AGAP1: variants seen among roughly 807,000 people sequenced by gnomAD.
AGAP1 encodes the protein ArfGAP with GTPase domain, ankyrin repeat and PH domain 1.
AGAP1 carries 29 observed loss-of-function variants against 105.3 expected under a neutral mutation model. That is an observed-to-expected ratio of 0.28 (90% confidence interval 0.21 to 0.38). AGAP1 has a LOEUF of 0.38. Among genes scored for constraint, AGAP1 ranks in the 10% least tolerant of loss-of-function variants. The pLI, the probability that AGAP1 is intolerant of heterozygous loss-of-function variation, is 1.00. For missense variants in AGAP1, 998 were observed against 1,165.1 expected, an observed-to-expected ratio of 0.86 and a Z score of 2.09; for synonymous variants, 509 against 485.9, an observed-to-expected ratio of 1.05 and a Z score of -0.63.
rs1400802675 is a variant in AGAP1 at position 235,845,311 on chromosome 2, A to G, written c.1050+37980A>G. 1.3e-5 allele frequency among the ~76,000 whole-genome samples: 2 copies of G among 152,188 alleles called. No homozygotes were observed. Among genetic ancestry groups the G allele is most frequent in the South Asian group, 2.1e-4 (1 of 4,826 alleles). Reference sequence around the variant, plus strand: ...GTCTGTAACTAATCCAGCTCAGACCACATGTATGGTGTGCTCAGGGGACCC... The same window carrying G: ...GTCTGTAACTAATCCAGCTCAGACCGCATGTATGGTGTGCTCAGGGGACCC... On this transcript the variant is annotated intron_variant, in intron 9 of 17. Transcript: ENST00000304032. The surrounding 1 kb of genome is among the most constrained non-coding windows in gnomAD (Gnocchi z 4.8).
rs2057963481 is a variant in AGAP1, at chr2:236,053,384, T to C, written c.2114+4103T>C. ...TGAGTGAAACCGGGGCTTTGACGTTTGCAGCACCAGCAAAGCCGTCTCAGT... is the reference window on the plus strand; with the variant it reads ...TGAGTGAAACCGGGGCTTTGACGTTCGCAGCACCAGCAAAGCCGTCTCAGT... On this transcript the variant is annotated intron_variant, in intron 16 of 17. Coordinates refer to ENST00000304032, the MANE Select transcript of AGAP1 (RefSeq NM_001037131.3). This position sits in a 1 kb window ranked among gnomAD's most constrained non-coding sequence, Gnocchi z 4.6. Among the ~76,000 whole-genome samples the C allele has an allele frequency of 6.6e-6, 1 of 152,228 alleles. No homozygotes were observed. Among genetic ancestry groups the C allele is most frequent in the Non-Finnish European group, 1.5e-5 (1 of 68,042 alleles).
At chr2:235,802,479 C>CG (rs1464952803) in intron 8 of AGAP1, among the ~76,000 whole-genome samples, 2 of 2,716 alleles carry the variant, frequency 7.4e-4, no homozygotes, top group Admixed American at 7.0e-3. Context: ...CCAGCTGTCC[C>CG]ATGGCATTAG....
chr2:235,735,844 A>ACATTGCAC (rs1952216237), intron 3 of AGAP1, among the ~76,000 whole-genome samples: 1 of 152,058 alleles, frequency 6.6e-6, no homozygotes, highest in Non-Finnish European at 1.5e-5. Flanking sequence ...GAAACCTAAT[A>ACATTGCAC]CATTGCACAT....
At chr2:235,529,923 T>A (rs1280129797) in intron 1 of AGAP1, among the ~76,000 whole-genome samples, 1 of 152,140 alleles carries the variant, frequency 6.6e-6, no homozygotes, top group Non-Finnish European at 1.5e-5. Flanking sequence ...CAACTACCTG[T>A]CCTCTGGAGA....
At position 235,824,190 on chromosome 2, in the gene AGAP1, T is replaced by C. The variant is rs1219770332; in HGVS notation, c.1050+16859T>C. ...AGCGCCAACGCTGAGGGGTCTTCGA[T>C]TGGTGGCACCCGTGTTCCACGGTAC... On this transcript the variant is annotated intron_variant, in intron 9 of 17. Coordinates refer to ENST00000304032, the MANE Select transcript of AGAP1 (RefSeq NM_001037131.3). This position sits in a 1 kb window ranked among gnomAD's most constrained non-coding sequence, Gnocchi z 5.2. Among the ~76,000 whole-genome samples, 1 of 152,230 alleles carries C rather than the reference T, an allele frequency of 6.6e-6. No homozygotes were observed. Among genetic ancestry groups the C allele is most frequent in the Admixed American group, 6.5e-5 (1 of 15,284 alleles).
chr2:235,728,928 C>T lies in AGAP1; in HGVS notation c.310+11284C>T, dbSNP rs1251699249. ...GGGTTGTGGAGGAATGGTCAAAACC[C>T]AGGCGTGATGTGACCACACCATCTG... On this transcript the variant is annotated intron_variant, in intron 3 of 17. Coordinates refer to ENST00000304032, the MANE Select transcript of AGAP1 (RefSeq NM_001037131.3). The surrounding 1 kb of genome is among the most constrained non-coding windows in gnomAD (Gnocchi z 4.3). Among the ~76,000 whole-genome samples, 1 of 151,606 alleles carries T rather than the reference C, an allele frequency of 6.6e-6. No individual in the cohort carries two copies. Among genetic ancestry groups the T allele is most frequent in the East Asian group, 1.9e-4 (1 of 5,160 alleles).
intron 9 of AGAP1, among the ~76,000 whole-genome samples, chr2:235,831,180 TC>T: frequency 6.9e-5 from 8 of 115,362 alleles, no homozygotes; most frequent in Admixed American, 2.1e-4. Flanking sequence ...TCACTCTTCT[TC>T]TTTAAAAAAA....
At chr2:235,759,898 C>T (rs186855137) in intron 6 of AGAP1, among the ~76,000 whole-genome samples, 48 of 152,200 alleles carry the variant, frequency 3.2e-4, no homozygotes, top group African/African-American at 1.1e-3. Context: ...GTAAACCATA[C>T]ATTCAGAGGT....
rs570690719 is a variant in AGAP1 at position 235,552,694 on chromosome 2, G to T, written c.163+57845G>T. On this transcript the variant is annotated intron_variant, in intron 1 of 17. Coordinates refer to ENST00000304032, the MANE Select transcript of AGAP1 (RefSeq NM_001037131.3). This position sits in a 1 kb window ranked among gnomAD's most constrained non-coding sequence, Gnocchi z 5.9. The stretch of plus-strand genomic sequence containing the variant: ...GGGATGCAGAGAGGCTTAACCCAGA[G>T]AATGGAGGAAAAGGAGACCAGGAGA... Among the ~76,000 whole-genome samples, 4 of 152,326 alleles carry T rather than the reference G, an allele frequency of 2.6e-5. No individual in the cohort carries two copies. Among genetic ancestry groups the T allele is most frequent in the South Asian group, 2.1e-4 (1 of 4,826 alleles).
intron 1 of AGAP1, among the ~76,000 whole-genome samples, chr2:235,675,554 G>A (rs944258220): frequency 6.6e-6 from 1 of 152,112 alleles, no homozygotes; most frequent in South Asian, 2.1e-4. Context: ...TTAGTCTTTT[G>A]TTATTAGAAT....
chr2:235,647,529 A>G (rs1051137176), intron 1 of AGAP1, among the ~76,000 whole-genome samples: 3 of 152,094 alleles, frequency 2.0e-5, no homozygotes, highest in African/African-American at 7.2e-5. Context: ...CTGGGACTAC[A>G]GGCGCACACC....
chr2:236,075,051 T>G (rs1442347601), intron 16 of AGAP1, among the ~76,000 whole-genome samples: 2 of 151,952 alleles, frequency 1.3e-5, no homozygotes, highest in East Asian at 3.9e-4. Context: ...AGACCTTCTC[T>G]CAAAAAGAAA....
intron 9 of AGAP1, among the ~76,000 whole-genome samples, chr2:235,880,997 C>G (rs1057400115): frequency 6.6e-6 from 1 of 152,150 alleles, no homozygotes; most frequent in Non-Finnish European, 1.5e-5. Flanking sequence ...TGGTGTATAG[C>G]GATTTAGATT....
intron 9 of AGAP1, among the ~76,000 whole-genome samples, chr2:235,871,104 A>G (rs753393009): frequency 3.9e-5 from 6 of 152,158 alleles, no homozygotes; most frequent in African/African-American, 1.4e-4. Context: ...CTGCCACACC[A>G]TTGAAGGGGT....
At position 236,130,802 on chromosome 2, in the gene AGAP1, TAGG is replaced by T. The variant is rs1345053208; in HGVS notation, c.*6683_*6685del. The T allele has an allele frequency of 6.6e-6, 1 of 152,444 alleles. No homozygotes were observed. The highest frequency in any genetic ancestry group is 1.5e-5 in the Non-Finnish European group (1 of 68,404). The allele number at this position is 152,444 out of a possible 1,614,324, so 9.4% of individuals were successfully genotyped here. ...GCATTTCCTGCCTGGGTTCTCAGGG[TAGG>T]AGAACAGAGAAGGCTCCAAGGGTGT... On this transcript the variant is annotated 3_prime_UTR_variant, in exon 18 of 18. Transcript: ENST00000304032. The surrounding 1 kb of genome is among the most constrained non-coding windows in gnomAD (Gnocchi z 5.8).
chr2:236,084,980 C>G (rs2058887781), intron 16 of AGAP1, among the ~76,000 whole-genome samples: 1 of 151,266 alleles, frequency 6.6e-6, no homozygotes, highest in Non-Finnish European at 1.5e-5. Flanking sequence ...TTTGGGAGGC[C>G]AAGGTGGATG....
intron 1 of AGAP1, among the ~76,000 whole-genome samples, chr2:235,548,182 C>T (rs1037360217): frequency 3.3e-5 from 5 of 152,216 alleles, no homozygotes; most frequent in South Asian, 2.1e-4. Flanking sequence ...CAGTGGACTG[C>T]GTCTCGTCTC....
At chr2:235,588,467 C>A (rs1945204763) in intron 1 of AGAP1, among the ~76,000 whole-genome samples, 2 of 152,068 alleles carry the variant, frequency 1.3e-5, no homozygotes, top group Non-Finnish European at 2.9e-5. Context: ...CCCCTTAGAA[C>A]CCAGGACTCC....
chr2:235,860,424 G>T (rs545904716), intron 9 of AGAP1, among the ~76,000 whole-genome samples: 2 of 151,852 alleles, frequency 1.3e-5, no homozygotes, highest in Non-Finnish European at 2.9e-5. Flanking sequence ...TTCTAACTGC[G>T]CAGCTTTCTA....
Sources: gnomAD v4.1 joint callset for allele counts (sites outside exome capture counted in the v4.1 genomes callset) on GRCh38, gnomAD v4.1.1 for gene constraint, Gnocchi (gnomAD v3.1) non-coding constraint, MANE v1.5 for transcripts, NCBI Gene and HGNC (gene_info 2026-07-23, HGNC 2026-07-21) for gene names.